Variants in KLRG1 observed in about 807,000 individuals in gnomAD.
KLRG1 encodes the protein killer cell lectin like receptor G1.
Under a neutral mutation model 21.8 loss-of-function variants are expected in KLRG1, and 16 were observed. The ratio of observed to expected loss-of-function variants is 0.73; its 90% CI spans 0.50 to 1.11. KLRG1 has a LOEUF of 1.11. Ranked by LOEUF, KLRG1 falls within the 50% of genes most tolerant of loss-of-function variation. The probability of loss-of-function intolerance (pLI) is 0.00; values close to 1 mark genes in which losing one functional copy is unlikely to be tolerated. For missense variants in KLRG1, 173 were observed against 218.3 expected, an observed-to-expected ratio of 0.79 and a Z score of 1.31; for synonymous variants, 69 against 75.9, an observed-to-expected ratio of 0.91 and a Z score of 0.47.
At chr12:9,174,417 A>G in the KLRG1 span, among the ~76,000 whole-genome samples, 2 of 152,222 alleles carry the variant, frequency 1.3e-5, no homozygotes, top group Non-Finnish European at 2.9e-5. Flanking sequence ...GGCACAAGAC[A>G]GGGAAGCCCT....
At chr12:8,995,686 C>CTT (rs34680435) in intron 3 of KLRG1, among the ~76,000 whole-genome samples, 6 of 141,520 alleles carry the variant, frequency 4.2e-5, no homozygotes, top group African/African-American at 7.8e-5. Flanking sequence ...GCAGCAGATT[C>CTT]TTTTTTTTTT....
At chr12:9,099,610 T>C in the KLRG1 span, 1 of 1,430,656 alleles carries the variant, frequency 7.0e-7, no homozygotes, top group Admixed American at 2.5e-5. Flanking sequence ...AAACAGTAGA[T>C]GTAACAAATG....
At chr12:9,074,645 G>A in the KLRG1 span, 2 of 1,614,022 alleles carry the variant, frequency 1.2e-6, no homozygotes, top group South Asian at 1.1e-5. Flanking sequence ...GTCCTCCGAG[G>A]TTGGGGCTGG....
intron 2 of KLRG1, 119 bp from the exon 3 acceptor site, chr12:8,995,000 A>C (rs1947085993): frequency 1.2e-6 from 1 of 817,978 alleles, no homozygotes; most frequent in African/African-American, 1.7e-5. Context: ...TCTAACCCTT[A>C]ATCTGAAAAG....
the KLRG1 span, among the ~76,000 whole-genome samples, chr12:9,139,689 T>A: frequency 6.6e-6 from 1 of 152,222 alleles, no homozygotes; most frequent in Non-Finnish European, 1.5e-5. Flanking sequence ...ATTTCCCTTT[T>A]GGTCTCTTGT....
chr12:9,201,199 A>G, the KLRG1 span: 2 of 1,349,794 alleles, frequency 1.5e-6, no homozygotes, highest in Non-Finnish European at 2.1e-6. Context: ...AATCAACCTG[A>G]CAACTGGGAG....
the KLRG1 span, among the ~76,000 whole-genome samples, chr12:9,111,100 G>A: frequency 6.6e-6 from 1 of 152,078 alleles, no homozygotes; most frequent in Non-Finnish European, 1.5e-5. Context: ...AATAAATTTA[G>A]TTTAATAAAT....
chr12:9,116,459 G>T, the KLRG1 span, among the ~76,000 whole-genome samples: 1 of 152,154 alleles, frequency 6.6e-6, no homozygotes, highest in African/African-American at 2.4e-5. Context: ...GGCCCTGGAA[G>T]AATGATCATA....
At chr12:9,191,261 C>T in the KLRG1 span, among the ~76,000 whole-genome samples, 2 of 152,008 alleles carry the variant, frequency 1.3e-5, no homozygotes, top group South Asian at 4.2e-4. Context: ...GATACATAGA[C>T]CAGTATTAGA....
chr12:8,983,396 T>G (rs1247053988), intron 1 of KLRG1, among the ~76,000 whole-genome samples: 1 of 57,146 alleles, frequency 1.7e-5, no homozygotes, highest in Non-Finnish European at 3.8e-5. Flanking sequence ...CCATTTTACC[T>G]TTTTTTTTTT....
chr12:9,020,101 G>A, the KLRG1 span, among the ~76,000 whole-genome samples: 5 of 151,428 alleles, frequency 3.3e-5, no homozygotes, highest in African/African-American at 1.2e-4. Flanking sequence ...AAAATTTTAG[G>A]GATGGGGTCT....
At chr12:9,105,968 G>T in the KLRG1 span, among the ~76,000 whole-genome samples, 1 of 152,132 alleles carries the variant, frequency 6.6e-6, no homozygotes, top group South Asian at 2.1e-4. Flanking sequence ...GTACAATGCT[G>T]TTTCAAAAGA....
At chr12:9,158,331 G>T in the KLRG1 span, 1 of 1,514,558 alleles carries the variant, frequency 6.6e-7, no homozygotes, top group South Asian at 1.2e-5. Context: ...CTTCATCTTT[G>T]CAATTTCCTT....
the KLRG1 span, chr12:9,111,673 G>C: frequency 5.7e-5 from 22 of 384,260 alleles, no homozygotes; most frequent in African/African-American, 4.2e-4. Flanking sequence ...TAATTTGGGA[G>C]AGAAAAATGA....
the KLRG1 span, among the ~76,000 whole-genome samples, chr12:9,102,736 C>T: frequency 6.6e-6 from 1 of 152,154 alleles, no homozygotes; most frequent in South Asian, 2.1e-4. Flanking sequence ...CATATATGAT[C>T]ACCCCAAACA....
At chr12:8,981,165 C>T (rs1477633909) in intron 1 of KLRG1, among the ~76,000 whole-genome samples, 2 of 152,130 alleles carry the variant, frequency 1.3e-5, no homozygotes, top group East Asian at 1.9e-4. Context: ...TGTGTTAGTC[C>T]TCTTGCTCAA....
the KLRG1 span, chr12:9,135,173 G>A: frequency 2.2e-4 from 49 of 226,610 alleles, 1 homozygote; most frequent in African/African-American, 1.1e-3. Flanking sequence ...ACGGGCAACA[G>A]CTGCAGACCT....
At chr12:9,085,772 G>A in the KLRG1 span, among the ~76,000 whole-genome samples, 3 of 151,938 alleles carry the variant, frequency 2.0e-5, no homozygotes, top group Non-Finnish European at 4.4e-5. Context: ...TAAGAAAAAA[G>A]AGGGAGGCCT....
At chr12:9,188,272 AATACG>A in the KLRG1 span, among the ~76,000 whole-genome samples, 1 of 152,176 alleles carries the variant, frequency 6.6e-6, no homozygotes, top group Non-Finnish European at 1.5e-5. Flanking sequence ...CAATGACAAA[AATACG>A]ATTATCTTAT....
Sources: gnomAD v4.1 joint callset for allele counts (sites outside exome capture counted in the v4.1 genomes callset) on GRCh38, gnomAD v4.1.1 for gene constraint, MANE v1.5 for transcripts, NCBI Gene and HGNC (gene_info 2026-07-23, HGNC 2026-07-21) for gene names.